The following PADI6 variants were observed in gnomAD, a reference collection of about 807,000 sequenced individuals.
PADI6 encodes the protein peptidyl arginine deiminase 6.
PADI6 carries 66 observed loss-of-function variants against 78.2 expected under a neutral mutation model. The ratio of observed to expected loss-of-function variants is 0.84; its 90% CI spans 0.69 to 1.04. PADI6 has a LOEUF of 1.04. PADI6 is among the 50% of genes least tolerant of loss of function. The pLI, the probability that PADI6 is intolerant of heterozygous loss-of-function variation, is 0.00. For missense variants in PADI6, 854 were observed against 866.1 expected (o/e 0.99, Z 0.18); for synonymous variants, 397 against 346.9 (o/e 1.14, Z -1.60).
At position 17,373,032 on chromosome 1, in the gene PADI6, C is replaced by T. The variant is rs750467692; in HGVS notation, c.117-24C>T. ...CTGAGAAGGTGTTTGTGCCCTGACGCGTGTCTCTTACCGGGCAAACCAGGT... is the reference window on the plus strand; with the variant it reads ...CTGAGAAGGTGTTTGTGCCCTGACGTGTGTCTCTTACCGGGCAAACCAGGT... On this transcript the variant is annotated intron_variant, in intron 1 of 15. Coordinates refer to ENST00000619609, the MANE Select transcript of PADI6 (RefSeq NM_207421.4). 57 of 1,608,928 alleles carry T rather than the reference C, an allele frequency of 3.5e-5. 1 individual carries two copies. Among genetic ancestry groups the T allele is most frequent in the South Asian group, 3.3e-4 (30 of 90,820 alleles).
rs2075298910 is a variant in PADI6 at position 17,401,279 on chromosome 1, C to T, written c.1926C>T (p.Cys642=). 6.2e-7 allele frequency: 1 copy of T among 1,614,046 alleles called. No homozygotes were observed. The highest frequency in any genetic ancestry group is 8.5e-7 in the Non-Finnish European group (1 of 1,179,912). ...PFGPQIKGTC[C]LEEKICCLLE... Reference sequence around the variant, plus strand: ...GGCCCCAAATCAAGGGGACCTGCTGCCTGGAAGAAAAGATTTGCTGCTTGC... The same window carrying T: ...GGCCCCAAATCAAGGGGACCTGCTGTCTGGAAGAAAAGATTTGCTGCTTGC... The change falls in exon 16 of 16, where the codon TGC becomes TGT. Residue 642 remains cysteine, a synonymous_variant. Transcript: ENST00000619609.
rs1283701148 is a variant in PADI6, at chr1:17,373,097, C to T, written c.158C>T (p.Ser53Phe). ...TGCCAGTGCTTCACCATCCATGGCT[C>T]TGGGAGGGTCTTGATCGATGTGGCC... Reference protein sequence around the residue: ...QKCQCFTIHGSGRVLIDVANT... With the variant: ...QKCQCFTIHGFGRVLIDVANT... The change falls in exon 2 of 16, where the codon TCT (serine) becomes TTT (phenylalanine). Residue 53 changes from serine (S) to phenylalanine (F), a missense_variant. Transcript: ENST00000619609. The T allele has an allele frequency of 3.7e-6, 6 of 1,614,002 alleles. No homozygotes were observed. The highest frequency in any genetic ancestry group is 4.5e-5 in the East Asian group (2 of 44,886).
Position 17,401,678 on chromosome 1 carries a change from A to C in PADI6, c.*240A>C. On this transcript the variant is annotated 3_prime_UTR_variant, in exon 16 of 16. Transcript: ENST00000619609. ...AGTGACGTTTACTAAATAGCCAATA[A>C]AGGGCTGGTGGGTGTGAATGCATCT... 2 of 507,082 alleles carry C rather than the reference A, an allele frequency of 3.9e-6. No individual in the cohort carries two copies. The allele number at this position is 507,082 out of a possible 1,614,324, so 31.4% of individuals were successfully genotyped here.
At chr1:17,374,923 C>G (rs1022773101) in intron 2 of PADI6, among the ~76,000 whole-genome samples, 1 of 152,062 alleles carries the variant, frequency 6.6e-6, no homozygotes, top group Non-Finnish European at 1.5e-5. Context: ...GGACACAGTC[C>G]CACAGTTGGG....
In PADI6 at chr1:17,398,682, A is replaced by ACCCCCCCCCCC; in HGVS notation, c.1690-3_1690-2insCCCCCCCCCCC. 1.7e-5 allele frequency: 2 copies of ACCCCCCCCCCC among 114,340 alleles called. No individual in the cohort carries two copies. The highest frequency in any genetic ancestry group is 1.3e-5 in the Non-Finnish European group (1 of 78,718). 7.1% of individuals were successfully genotyped at this position (114,340 alleles called of 1,614,324 possible). On this transcript the variant is annotated splice_polypyrimidine_tract_variant and splice_region_variant and intron_variant, in intron 14 of 15. Transcript: ENST00000619609. ...CCCCCCCCCACCCACCCACCCACCC[A>ACCCCCCCCCCC]CAGAAGTGCATTCACCTGAACCGTG...
At chr1:17,389,230 G>A (rs1279364592) in intron 8 of PADI6, among the ~76,000 whole-genome samples, 1 of 152,228 alleles carries the variant, frequency 6.6e-6, no homozygotes, top group Non-Finnish European at 1.5e-5. Flanking sequence ...ACAGGTGTGA[G>A]CCCAGGAAGG....
At chr1:17,394,504 G>A (rs763859342) in intron 11 of PADI6, 50 bp downstream of exon 11, 79 of 1,577,214 alleles carry the variant, frequency 5.0e-5, no homozygotes, top group East Asian at 3.4e-4. Context: ...GACCATGGTC[G>A]TTCCCCTGGC....
intron 3 of PADI6, among the ~76,000 whole-genome samples, chr1:17,379,121 T>TAGTAGAGATGCGA (rs2075047722): frequency 7.7e-6 from 1 of 130,524 alleles, no homozygotes; most frequent in African/African-American, 3.8e-5. Flanking sequence ...ATTTTTTTTT[T>TAGTAGAGATGCGA]TTTTTTTTTT....
rs541040101 is a variant in PADI6, at chr1:17,389,873, C to T, written c.962+993C>T. 3.9e-5 allele frequency among the ~76,000 whole-genome samples: 6 copies of T among 152,340 alleles called. No homozygotes were observed. The South Asian group carries it at 8.3e-4, about 21-fold the overall frequency. ...CACCCCCGCCCCACTCGCTCCACAC[C>T]GGCCGCCTCCAGATTACTACCACCA... On this transcript the variant is annotated intron_variant, in intron 8 of 15. Transcript: ENST00000619609.
chr1:17,387,577 C>G (rs1189414675), intron 6 of PADI6, among the ~76,000 whole-genome samples: 1 of 152,022 alleles, frequency 6.6e-6, no homozygotes, highest in Non-Finnish European at 1.5e-5. Context: ...ACGGTGAAAT[C>G]CCGTCTCTAC....
rs564878923 is a variant in PADI6, at chr1:17,375,395, C to G, written c.295-32C>G. Reference sequence around the variant, plus strand: ...TGTTCCTGGCACCTCCCGTCCAACACTGCCTATGGTTTCGGGATGCTGTCT... The same window carrying G: ...TGTTCCTGGCACCTCCCGTCCAACAGTGCCTATGGTTTCGGGATGCTGTCT... On this transcript the variant is annotated intron_variant, in intron 2 of 15. Transcript: ENST00000619609. The G allele has an allele frequency of 4.1e-5, 65 of 1,591,050 alleles. No individual in the cohort carries two copies. In the East Asian group the frequency reaches 1.0e-3, roughly 25 times the overall value.
At position 17,395,662 on chromosome 1, in the gene PADI6, T is replaced by C. The variant is rs1557608833; in HGVS notation, c.1617T>C (p.Asn539=). ...DELRADQLLS[N]GREAKTIDQL... is the part of the protein sequence containing the mutation. Reference sequence around the variant, plus strand: ...TTAGAGCAGATCAGCTCCTGTCTAATGGTAAGGGAACTCCCTTTCCACAGA... The same window carrying C: ...TTAGAGCAGATCAGCTCCTGTCTAACGGTAAGGGAACTCCCTTTCCACAGA... The change falls in exon 13 of 16, where the codon AAT becomes AAC. Residue 539 remains asparagine, a splice_region_variant and synonymous_variant. Transcript: ENST00000619609. 4 of 1,611,204 alleles carry C rather than the reference T, an allele frequency of 2.5e-6. No individual in the cohort carries two copies. The highest frequency in any genetic ancestry group is 1.7e-4 in the Middle Eastern group (1 of 6,056).
In PADI6 at chr1:17,373,272, G is replaced by C. The variant is rs760300459; in HGVS notation, c.294+39G>C. 3.1e-6 allele frequency: 5 copies of C among 1,604,244 alleles called. No individual in the cohort carries two copies. The Admixed American group carries it at 6.7e-5, about 21-fold the overall frequency. On this transcript the variant is annotated intron_variant, in intron 2 of 15. Coordinates refer to ENST00000619609, the MANE Select transcript of PADI6 (RefSeq NM_207421.4). ...GAAGAGGTGAGGGGCATCTCCCGGGGTGGGACCTAGCACAGCCACTGGGGC... is the reference window on the plus strand; with the variant it reads ...GAAGAGGTGAGGGGCATCTCCCGGGCTGGGACCTAGCACAGCCACTGGGGC...
Position 17,388,578 on chromosome 1 carries a change from T to C in PADI6, c.858+19T>C, listed in dbSNP as rs373817094. ...AGACCCGGTATGTCCCCATAATAGA[T>C]GGGTCCTCAGACTAGGATGCTCCGG... On this transcript the variant is annotated intron_variant, in intron 7 of 15. Transcript: ENST00000619609. 188 of 1,590,064 alleles carry C rather than the reference T, an allele frequency of 1.2e-4. 1 individual carries two copies. In the African/African-American group the frequency reaches 2.3e-3, roughly 19 times the overall value.
At chr1:17,387,691 C>T (rs933129245) in intron 6 of PADI6, among the ~76,000 whole-genome samples, 5 of 152,166 alleles carry the variant, frequency 3.3e-5, no homozygotes, top group Admixed American at 1.3e-4. Context: ...GCAAAGCTTA[C>T]AGTGAGCTGA....
intron 2 of PADI6, among the ~76,000 whole-genome samples, chr1:17,373,476 ATTTT>A (rs1258032680): frequency 6.7e-6 from 1 of 150,086 alleles, no homozygotes; most frequent in Non-Finnish European, 1.5e-5. Flanking sequence ...ACTGGGATTT[ATTTT>A]TTATTTTCAT....
rs775987134 is a variant in PADI6, at chr1:17,398,760, C to G, written c.1764C>G (p.Pro588=). ...TGGAACAGGACATCATCGAGATTCC[C>G]CAGCTGTTCTGCTTGGAGAAGCTGA... is the stretch of plus-strand genomic sequence containing the variant. ...GLVEQDIIEI[P]QLFCLEKLTN... The change falls in exon 15 of 16, where the codon CCC becomes CCG. Residue 588 remains proline, a synonymous_variant. Transcript: ENST00000619609. 2 of 1,609,398 alleles carry G rather than the reference C, an allele frequency of 1.2e-6. No individual in the cohort carries two copies. The highest frequency in any genetic ancestry group is 2.7e-5 in the African/African-American group (2 of 73,966).
chr1:17,382,559 C>T (rs2075083636), intron 6 of PADI6, among the ~76,000 whole-genome samples: 2 of 152,180 alleles, frequency 1.3e-5, no homozygotes, highest in South Asian at 2.1e-4. Flanking sequence ...AGCCACCACG[C>T]CATCCACCAC....
intron 5 of PADI6, 74 bp from the exon 6 acceptor site, chr1:17,381,893 C>T: frequency 6.3e-7 from 1 of 1,580,374 alleles, no homozygotes. Context: ...CGGCCCCTCT[C>T]TACTGCTCTT....
Sources: gnomAD v4.1 joint callset for allele counts (sites outside exome capture counted in the v4.1 genomes callset) on GRCh38, gnomAD v4.1.1 for gene constraint, MANE v1.5 for transcripts, NCBI Gene and HGNC (gene_info 2026-07-23, HGNC 2026-07-21) for gene names.